Variants in ITIH2 observed in about 807,000 individuals in gnomAD.
ITIH2 encodes inter-alpha-trypsin inhibitor heavy chain H2.
ITIH2 carries 103 observed loss-of-function variants against 104.4 expected under a neutral mutation model. The observed-to-expected ratio is 0.99, with a 90% CI of 0.84 to 1.16. The LOEUF is 1.16. ITIH2 is among the 50% of genes most tolerant of loss of function. ITIH2 has a pLI of 0.00. For missense variants in ITIH2, 1,108 were observed against 1,162.4 expected, an observed-to-expected ratio of 0.95 and a Z score of 0.68; for synonymous variants, 436 against 435.4, an observed-to-expected ratio of 1.00 and a Z score of -0.02.
chr10:7,706,518 G>T (rs961117892), intron 2 of ITIH2, among the ~76,000 whole-genome samples: 2 of 152,162 alleles, frequency 1.3e-5, no homozygotes. Context: ...TGCCTCAGGG[G>T]TTACACTGTG....
intron 11 of ITIH2, among the ~76,000 whole-genome samples, chr10:7,728,544 G>A (rs914890016): frequency 6.6e-6 from 1 of 151,810 alleles, no homozygotes; most frequent in East Asian, 1.9e-4. Context: ...ACCACACTCA[G>A]CTAATTTCTT....
chr10:7,703,449 G>A lies in ITIH2; in HGVS notation c.15G>A (p.Thr5=), dbSNP rs150632269. MKRL[T]CFFICFFLSE... is the part of the protein sequence containing the mutation. ...TGTCCAGCAAAATGAAAAGACTCACGTGCTTTTTCATCTGCTTCTTTCTTT... is the reference window on the plus strand; with the variant it reads ...TGTCCAGCAAAATGAAAAGACTCACATGCTTTTTCATCTGCTTCTTTCTTT... The change falls in exon 1 of 21, where the codon ACG becomes ACA. Residue 5 remains threonine (T), a synonymous_variant. Transcript: ENST00000358415. 3.6e-5 allele frequency: 58 copies of A among 1,613,770 alleles called. No individual in the cohort carries two copies. In the Admixed American group the frequency reaches 5.5e-4, roughly 15 times the overall value.
intron 4 of ITIH2, among the ~76,000 whole-genome samples, chr10:7,709,507 C>T (rs971898246): frequency 4.0e-5 from 6 of 151,876 alleles, no homozygotes; most frequent in Non-Finnish European, 5.9e-5. Flanking sequence ...TATAGGAAAC[C>T]ACATAAGAGC....
rs920782510 is a variant in ITIH2 at position 7,715,372 on chromosome 10, C to T, written c.467+2087C>T. 8.2e-4 allele frequency among the ~76,000 whole-genome samples: 124 copies of T among 151,902 alleles called. 1 individual carries two copies. The highest frequency in any genetic ancestry group is 8.5e-4 in the Admixed American group (13 of 15,250). ...GGAGTTGGAGGTTGCAGTGAGTCGACATTGTGCCACTGCATTCCAGCCTGG... is the reference window on the plus strand; with the variant it reads ...GGAGTTGGAGGTTGCAGTGAGTCGATATTGTGCCACTGCATTCCAGCCTGG... On this transcript the variant is annotated intron_variant, in intron 5 of 20. Transcript: ENST00000358415.
intron 4 of ITIH2, among the ~76,000 whole-genome samples, chr10:7,712,239 G>A (rs984172672): frequency 5.3e-5 from 8 of 152,134 alleles, no homozygotes; most frequent in Non-Finnish European, 1.0e-4. Context: ...CAAGGATTTC[G>A]TGTCTGGTGA....
intron 14 of ITIH2, among the ~76,000 whole-genome samples, chr10:7,733,381 C>T (rs1285348570): frequency 1.3e-5 from 2 of 152,172 alleles, no homozygotes; most frequent in African/African-American, 4.8e-5. Flanking sequence ...CAGGCATGAG[C>T]CACTGCACCC....
chr10:7,748,137 AG>A (rs1835197124), intron 20 of ITIH2, among the ~76,000 whole-genome samples: 1 of 151,248 alleles, frequency 6.6e-6, no homozygotes, highest in African/African-American at 2.4e-5. Context: ...TGAACCCGGA[AG>A]GCAGAGGTTG....
intron 20 of ITIH2, among the ~76,000 whole-genome samples, chr10:7,747,629 G>A (rs766146730): frequency 6.6e-6 from 1 of 152,172 alleles, no homozygotes; most frequent in Non-Finnish European, 1.5e-5. Context: ...GCTCATGCCT[G>A]TAATCCCAAT....
rs760887739 is a variant in ITIH2 at position 7,723,466 on chromosome 10, T to C, written c.883T>C (p.Phe295Leu). ...AGELEVFNGY[F>L]VHFFAPDNLD... ...TATTTTTCAGGTGTTTAATGGATATTTTGTCCACTTCTTTGCTCCTGACAA... is the reference window on the plus strand; with the variant it reads ...TATTTTTCAGGTGTTTAATGGATATCTTGTCCACTTCTTTGCTCCTGACAA... Residue 295 changes from phenylalanine (F) to leucine (L), a missense_variant, in exon 9 of 21, where the codon TTT (phenylalanine) becomes CTT (leucine). Transcript: ENST00000358415. 6.2e-7 allele frequency: 1 copy of C among 1,609,750 alleles called. No homozygotes were observed. Among genetic ancestry groups the C allele is most frequent in the Non-Finnish European group, 8.5e-7 (1 of 1,176,072 alleles).
At position 7,735,207 on chromosome 10, in the gene ITIH2, G is replaced by A. The variant is rs542601591; in HGVS notation, c.1957+116G>A. On this transcript the variant is annotated intron_variant, in intron 15 of 20. Transcript: ENST00000358415. Reference sequence around the variant, plus strand: ...CAGCCCACCTCTTGCTCCCAGCCCTGGGCCCTCCTGTGCCCAAGCTCTTCC... The same window carrying A: ...CAGCCCACCTCTTGCTCCCAGCCCTAGGCCCTCCTGTGCCCAAGCTCTTCC... 20 of 900,100 alleles carry A rather than the reference G, an allele frequency of 2.2e-5. No individual in the cohort carries two copies. In the African/African-American group the frequency reaches 3.2e-4, roughly 14 times the overall value. The allele number at this position is 900,100 out of a possible 1,614,324, so 55.8% of individuals were successfully genotyped here. A position where few individuals can be genotyped will look rare whatever the true frequency, so the allele number is the denominator to read the frequency against.
intron 4 of ITIH2, among the ~76,000 whole-genome samples, chr10:7,709,527 G>A (rs1314397666): frequency 6.6e-6 from 1 of 151,942 alleles, no homozygotes; most frequent in Non-Finnish European, 1.5e-5. Flanking sequence ...CGTGTGCACA[G>A]CAGGTCAATG....
intron 16 of ITIH2, among the ~76,000 whole-genome samples, chr10:7,739,330 A>G (rs1835102415): frequency 6.6e-6 from 1 of 152,120 alleles, no homozygotes; most frequent in Non-Finnish European, 1.5e-5. Context: ...TTTCCTTTTG[A>G]TTAGAAAAAA....
intron 9 of ITIH2, among the ~76,000 whole-genome samples, chr10:7,725,959 G>C (rs1012677133): frequency 6.6e-6 from 1 of 152,236 alleles, no homozygotes; most frequent in African/African-American, 2.4e-5. Context: ...AAAATCAAGA[G>C]AGAATGAGGC....
At chr10:7,729,575 T>A (rs1402007114) in intron 11 of ITIH2, among the ~76,000 whole-genome samples, 1 of 152,216 alleles carries the variant, frequency 6.6e-6, no homozygotes, top group African/African-American at 2.4e-5. Flanking sequence ...ACCTTGTTTT[T>A]TTTTTCTCCT....
intron 5 of ITIH2, among the ~76,000 whole-genome samples, chr10:7,715,741 AT>A (rs1262022147): frequency 6.6e-6 from 1 of 152,040 alleles, no homozygotes. Flanking sequence ...TTACTTATTT[AT>A]TTCTTTTCTT....
At chr10:7,743,070 G>A in intron 16 of ITIH2, 76 bp from the exon 17 acceptor site, 3 of 739,284 alleles carry the variant, frequency 4.1e-6, no homozygotes, top group South Asian at 3.5e-5. Context: ...AATTAAAGAT[G>A]TTCAGGAATG....
intron 15 of ITIH2, 93 bp from the exon 16 acceptor site, chr10:7,738,528 C>G: frequency 7.1e-7 from 1 of 1,400,946 alleles, no homozygotes; most frequent in Non-Finnish European, 1.0e-6. Flanking sequence ...GCTGACAATA[C>G]CTGGGGGTGC....
chr10:7,724,720 T>C (rs1834937036), intron 9 of ITIH2, among the ~76,000 whole-genome samples: 1 of 151,950 alleles, frequency 6.6e-6, no homozygotes, highest in Admixed American at 6.6e-5. Flanking sequence ...ATGGGGTCAT[T>C]CCTTGTTGTA....
At chr10:7,704,980 T>C in intron 1 of ITIH2, 128 bp from the exon 2 acceptor site, 1 of 592,430 alleles carries the variant, frequency 1.7e-6, no homozygotes, top group Non-Finnish European at 2.9e-6. Context: ...AAATGATGAG[T>C]TAATGGGTGT....
Sources: allele counts gnomAD v4.1 joint callset (sites outside exome capture counted in the v4.1 genomes callset), GRCh38; gene constraint gnomAD v4.1.1; transcripts MANE v1.5; gene names NCBI Gene and HGNC (gene_info 2026-07-23, HGNC 2026-07-21).